GALNT18: variants seen among roughly 807,000 people sequenced by gnomAD.
The protein encoded by GALNT18 is GalNAc-transferase 18.
Under a neutral mutation model 69.5 loss-of-function variants are expected in GALNT18, and 44 were observed. The ratio of observed to expected loss-of-function variants is 0.63; its 90% CI spans 0.50 to 0.81. The LOEUF is 0.81. Among genes scored for constraint, GALNT18 ranks in the 40% least tolerant of loss-of-function variants. The pLI, the probability that GALNT18 is intolerant of heterozygous loss-of-function variation, is 0.00. For missense variants in GALNT18, 715 were observed against 810.0 expected (o/e 0.88, Z 1.42); for synonymous variants, 364 against 318.2 (o/e 1.14, Z -1.53).
At chr11:11,381,066 C>T (rs1564920502) in intron 3 of GALNT18, among the ~76,000 whole-genome samples, 1 of 152,198 alleles carries the variant, frequency 6.6e-6, no homozygotes, top group South Asian at 2.1e-4. Context: ...ACCTCAAGAT[C>T]TCCAATTGCT....
At chr11:11,302,238 G>A (rs905219717) in intron 9 of GALNT18, among the ~76,000 whole-genome samples, 7 of 152,282 alleles carry the variant, frequency 4.6e-5, no homozygotes, top group South Asian at 2.1e-4. Context: ...ACTCAAAAAC[G>A]TCCAAGGAGC....
At chr11:11,395,170 T>C (rs1854297888) in intron 3 of GALNT18, among the ~76,000 whole-genome samples, 1 of 152,180 alleles carries the variant, frequency 6.6e-6, no homozygotes. Context: ...CCTTGTGAGG[T>C]CCCACAGTTG....
At position 11,523,247 on chromosome 11, in the gene GALNT18, T is replaced by C. The variant is rs1857440148; in HGVS notation, c.236-74311A>G. Among the ~76,000 whole-genome samples, 1 of 152,198 alleles carries C rather than the reference T, an allele frequency of 6.6e-6. No homozygotes were observed. The highest frequency in any genetic ancestry group is 1.5e-5 in the Non-Finnish European group (1 of 68,034). ...AAAGAACTGCAATCAGAATAGGTCC[T>C]GCATGCCCTCCAAGTACAGCATCTC... On this transcript the variant is annotated intron_variant, in intron 1 of 10. Transcript: ENST00000227756. This position sits in a 1 kb window ranked among gnomAD's most constrained non-coding sequence, Gnocchi z 4.3.
At position 11,379,134 on chromosome 11, in the gene GALNT18, G is replaced by A; in HGVS notation, c.726C>T (p.Ala242=). 6.2e-7 allele frequency: 1 copy of A among 1,611,092 alleles called. No individual in the cohort carries two copies. The change falls in exon 4 of 11, where the codon GCC becomes GCT. Residue 242 remains alanine (A), a synonymous_variant. Coordinates refer to ENST00000227756, the MANE Select transcript of GALNT18 (RefSeq NM_198516.3). ...IRSRVSGWRA[A]TAPVVALFDA... The stretch of plus-strand genomic sequence containing the variant: ...CAAAGAGTGCCACCACAGGGGCAGT[G>A]GCCGCCCTCCAGCCACTGACCCTGG...
rs1857827130 is a variant in GALNT18, at chr11:11,538,179, C to G, written c.235+83180G>C. ...GACTAGCTAAGGATTACACAAAAAG[C>G]AAGCAGCAGAGACAGAATTCAAACC... On this transcript the variant is annotated intron_variant, in intron 1 of 10. Coordinates refer to ENST00000227756, the MANE Select transcript of GALNT18 (RefSeq NM_198516.3). The surrounding 1 kb of genome is among the most constrained non-coding windows in gnomAD (Gnocchi z 5.2). 6.6e-6 allele frequency among the ~76,000 whole-genome samples: 1 copy of G among 152,094 alleles called. No homozygotes were observed. The highest frequency in any genetic ancestry group is 2.1e-4 in the South Asian group (1 of 4,814).
In GALNT18 at chr11:11,496,010, T is replaced by C. The variant is rs76766700; in HGVS notation, c.236-47074A>G. 0.03 allele frequency among the ~76,000 whole-genome samples: 4,627 copies of C among 152,284 alleles called. 153 individuals carry two copies. The highest frequency in any genetic ancestry group is 0.088 in the African/African-American group (3,650 of 41,532). On this transcript the variant is annotated intron_variant, in intron 1 of 10. Coordinates refer to ENST00000227756, the MANE Select transcript of GALNT18 (RefSeq NM_198516.3). This position sits in a 1 kb window ranked among gnomAD's most constrained non-coding sequence, Gnocchi z 4.0. ...TTCATAATCCTAATCCTAAAACATA[T>C]GTGCTATCAGCATCCCTGTTACATG...
rs945087710 is a variant in GALNT18 at position 11,590,486 on chromosome 11, A to T, written c.235+30873T>A. 6.6e-6 allele frequency among the ~76,000 whole-genome samples: 1 copy of T among 152,236 alleles called. No individual in the cohort carries two copies. Among genetic ancestry groups the T allele is most frequent in the African/African-American group, 2.4e-5 (1 of 41,458 alleles). ...AATTAACTTTCCTTACTCTACCTAT[A>T]TTAGGCACCAACCAATCAGAAGGAC... On this transcript the variant is annotated intron_variant, in intron 1 of 10. Coordinates refer to ENST00000227756, the MANE Select transcript of GALNT18 (RefSeq NM_198516.3). This position sits in a 1 kb window ranked among gnomAD's most constrained non-coding sequence, Gnocchi z 4.4.
intron 9 of GALNT18, among the ~76,000 whole-genome samples, chr11:11,319,118 A>C (rs1564893489): frequency 2.2e-5 from 3 of 138,710 alleles, no homozygotes; most frequent in African/African-American, 6.1e-5. Context: ...GAAAATGCCT[A>C]CAGATACTCA....
chr11:11,590,533 G>T lies in GALNT18; in HGVS notation c.235+30826C>A, dbSNP rs1859331506. ...GGACACTGGCTGTTCTGCTGCATCA[G>T]TGCAACAGGGATATACTAGTGAGAT... On this transcript the variant is annotated intron_variant, in intron 1 of 10. Transcript: ENST00000227756. The surrounding 1 kb of genome is among the most constrained non-coding windows in gnomAD (Gnocchi z 4.4). Among the ~76,000 whole-genome samples, 1 of 152,190 alleles carries T rather than the reference G, an allele frequency of 6.6e-6. No individual in the cohort carries two copies. Among genetic ancestry groups the T allele is most frequent in the Admixed American group, 6.5e-5 (1 of 15,282 alleles).
chr11:11,338,113 A>G lies in GALNT18; in HGVS notation c.1278+2706T>C, dbSNP rs1234475218. Among the ~76,000 whole-genome samples the G allele has an allele frequency of 6.6e-6, 1 of 151,970 alleles. No homozygotes were observed. Among genetic ancestry groups the G allele is most frequent in the Non-Finnish European group, 1.5e-5 (1 of 67,960 alleles). ...CTCCTGAGTAGCTGGGATTACAGGC[A>G]TGTGCCACCAAGCCTGGCTAATTTT... On this transcript the variant is annotated intron_variant, in intron 7 of 10. Coordinates refer to ENST00000227756, the MANE Select transcript of GALNT18 (RefSeq NM_198516.3). The surrounding 1 kb of genome is among the most constrained non-coding windows in gnomAD (Gnocchi z 5.3).
At chr11:11,291,060 C>G (rs1269634519) in intron 10 of GALNT18, among the ~76,000 whole-genome samples, 1 of 152,194 alleles carries the variant, frequency 6.6e-6, no homozygotes. Flanking sequence ...CCTCCCTCTG[C>G]CTCTCAACTT....
chr11:11,346,011 C>T (rs571399673), intron 6 of GALNT18, among the ~76,000 whole-genome samples: 7 of 152,338 alleles, frequency 4.6e-5, no homozygotes, highest in African/African-American at 1.4e-4. Context: ...GTTCTTTCTT[C>T]TCTCTGTGCC....
intron 1 of GALNT18, among the ~76,000 whole-genome samples, chr11:11,504,800 A>G (rs1413506780): frequency 6.6e-6 from 1 of 152,052 alleles, no homozygotes; most frequent in Non-Finnish European, 1.5e-5. Context: ...ATTTAATGAG[A>G]GCCTATACTT....
chr11:11,388,751 C>T (rs2133710237), intron 3 of GALNT18, among the ~76,000 whole-genome samples: 1 of 152,332 alleles, frequency 6.6e-6, no homozygotes, highest in African/African-American at 2.4e-5. Flanking sequence ...GCACTGTGCT[C>T]AGCACTTCAG....
intron 1 of GALNT18, among the ~76,000 whole-genome samples, chr11:11,534,902 C>T (rs1857741057): frequency 6.6e-6 from 1 of 152,262 alleles, no homozygotes; most frequent in Non-Finnish European, 1.5e-5. Flanking sequence ...CAGCAGTCTG[C>T]TCATGTCCCC....
In GALNT18 at chr11:11,618,595, G is replaced by A. The variant is rs1223205600; in HGVS notation, c.235+2764C>T. The stretch of plus-strand genomic sequence containing the variant: ...CCTCCTGGGAGACAGTTTAGTACGT[G>A]GGTAAGAACTTAGACTTCTGAAGCC... On this transcript the variant is annotated intron_variant, in intron 1 of 10. Transcript: ENST00000227756. The surrounding 1 kb of genome is among the most constrained non-coding windows in gnomAD (Gnocchi z 6.1). Among the ~76,000 whole-genome samples, 5 of 152,128 alleles carry A rather than the reference G, an allele frequency of 3.3e-5. No homozygotes were observed. Among genetic ancestry groups the A allele is most frequent in the African/African-American group, 1.2e-4 (5 of 41,398 alleles).
chr11:11,354,547 G>A (rs1040805966), intron 6 of GALNT18, among the ~76,000 whole-genome samples: 1 of 152,188 alleles, frequency 6.6e-6, no homozygotes, highest in African/African-American at 2.4e-5. Flanking sequence ...TCCAAAGATA[G>A]TTGCTGTGAG....
chr11:11,306,933 GTGC>G (rs1849589062), intron 9 of GALNT18, among the ~76,000 whole-genome samples: 1 of 152,234 alleles, frequency 6.6e-6, no homozygotes, highest in South Asian at 2.1e-4. Flanking sequence ...TCGTGCATTG[GTGC>G]TGGCCTTCTC....
At chr11:11,291,631 G>A (rs1042307685) in intron 10 of GALNT18, among the ~76,000 whole-genome samples, 2 of 151,236 alleles carry the variant, frequency 1.3e-5, no homozygotes, top group Non-Finnish European at 2.9e-5. Context: ...TTTGCAGGGT[G>A]AGCTGGGACT....
Sources: gnomAD v4.1 joint callset for allele counts (sites outside exome capture counted in the v4.1 genomes callset) on GRCh38, gnomAD v4.1.1 for gene constraint, Gnocchi (gnomAD v3.1) non-coding constraint, MANE v1.5 for transcripts, NCBI Gene and HGNC (gene_info 2026-07-23, HGNC 2026-07-21) for gene names.